Variants in TNNI3K observed in about 807,000 individuals in gnomAD.
TNNI3K encodes serine/threonine-protein kinase TNNI3K.
TNNI3K carries 140 observed loss-of-function variants against 114.5 expected under a neutral mutation model. The observed-to-expected ratio is 1.22, with a 90% CI of 1.07 to 1.41. The LOEUF (loss-of-function observed/expected upper bound fraction) is 1.41. Among genes scored for constraint, TNNI3K ranks in the 40% most tolerant of loss-of-function variants. TNNI3K has a pLI of 0.00. For missense variants in TNNI3K, 1,125 were observed against 1,007.6 expected, an observed-to-expected ratio of 1.12 and a Z score of -1.58; for synonymous variants, 347 against 347.5, an observed-to-expected ratio of 1.00 and a Z score of 0.02.
intron 23 of TNNI3K, among the ~76,000 whole-genome samples, chr1:74,508,787 C>T (rs575347106): frequency 3.9e-5 from 6 of 152,260 alleles, no homozygotes; most frequent in African/African-American, 1.4e-4. Flanking sequence ...GAGCTTGCAT[C>T]TTGAAGCCAG....
chr1:74,331,704 A>G (rs1302714292), intron 6 of TNNI3K, among the ~76,000 whole-genome samples, 156 bp downstream of exon 6: 2 of 152,332 alleles, frequency 1.3e-5, no homozygotes, highest in Middle Eastern at 3.4e-3. Context: ...GTAGATCCAT[A>G]TAAGCATTAC....
At chr1:74,436,193 C>T (rs1221715032) in intron 18 of TNNI3K, 61 bp downstream of exon 18, 1 of 1,582,360 alleles carries the variant, frequency 6.3e-7, no homozygotes, top group Non-Finnish European at 8.6e-7. Context: ...AATATGGTGC[C>T]TGATATTGTA....
At chr1:74,423,344 T>C (rs1665488377) in intron 17 of TNNI3K, among the ~76,000 whole-genome samples, 2 of 152,074 alleles carry the variant, frequency 1.3e-5, no homozygotes, top group Non-Finnish European at 1.5e-5. Flanking sequence ...TTACTTCCAC[T>C]AAAAACAATA....
At position 74,293,214 on chromosome 1, in the gene TNNI3K, C is replaced by T. The variant is rs144676925; in HGVS notation, c.444+21506C>T. Among the ~76,000 whole-genome samples the T allele has an allele frequency of 4.6e-5, 7 of 151,690 alleles. No homozygotes were observed. In the East Asian group the frequency reaches 1.4e-3, roughly 29 times the overall value. Reference sequence around the variant, plus strand: ...ACATATTTGGAGTTGAATCTACCAACGTATTTTGTATTTCCATTTGCTCCA... The same window carrying T: ...ACATATTTGGAGTTGAATCTACCAATGTATTTTGTATTTCCATTTGCTCCA... On this transcript the variant is annotated intron_variant, in intron 5 of 24. Coordinates refer to ENST00000326637, the MANE Select transcript of TNNI3K (RefSeq NM_015978.3).
At chr1:74,401,614 A>G (rs1350542280) in intron 17 of TNNI3K, among the ~76,000 whole-genome samples, 1 of 152,236 alleles carries the variant, frequency 6.6e-6, no homozygotes, top group Non-Finnish European at 1.5e-5. Context: ...AGTACTAAAC[A>G]TTTTCACAAA....
Position 74,353,966 on chromosome 1 carries a change from C to A in TNNI3K, c.1028-14C>A, listed in dbSNP as rs764209373. ...TTTTTCTCCTTTTGTTCTTTCAATT[C>A]TTTTCTATTACAGGATTACACTCTG... On this transcript the variant is annotated splice_polypyrimidine_tract_variant and intron_variant, in intron 10 of 24. Transcript: ENST00000326637. The A allele has an allele frequency of 7.6e-6, 12 of 1,588,210 alleles. No homozygotes were observed. The Admixed American group carries it at 1.5e-4, about 20-fold the overall frequency.
intron 23 of TNNI3K, among the ~76,000 whole-genome samples, chr1:74,537,659 G>A (rs1316274763): frequency 6.6e-6 from 1 of 152,146 alleles, no homozygotes; most frequent in Non-Finnish European, 1.5e-5. Flanking sequence ...CATAATCTCT[G>A]ACCTCCAGGA....
At chr1:74,412,222 T>G (rs1664913577) in intron 17 of TNNI3K, among the ~76,000 whole-genome samples, 1 of 152,126 alleles carries the variant, frequency 6.6e-6, no homozygotes, top group Non-Finnish European at 1.5e-5. Flanking sequence ...TTTTCCAGAC[T>G]ATGTAATTAA....
At chr1:74,542,237 A>C (rs1006220966) in intron 24 of TNNI3K, among the ~76,000 whole-genome samples, 1 of 152,188 alleles carries the variant, frequency 6.6e-6, no homozygotes, top group Non-Finnish European at 1.5e-5. Context: ...GTCCACAATC[A>C]AATTTCCATT....
At chr1:74,475,427 CA>C (rs768789550) in intron 21 of TNNI3K, 76 of 716,952 alleles carry the variant, frequency 1.1e-4, no homozygotes, top group Non-Finnish European at 1.6e-4. Flanking sequence ...CTCATATTTC[CA>C]GGAGGCTCTG....
intron 17 of TNNI3K, among the ~76,000 whole-genome samples, chr1:74,389,140 G>A (rs900654348): frequency 1.3e-5 from 2 of 152,186 alleles, no homozygotes; most frequent in African/African-American, 4.8e-5. Context: ...ATTTGCCATA[G>A]GTCAGGAGGA....
rs115737846 is a variant in TNNI3K, at chr1:74,245,482, C to A, written c.150-3977C>A. 4.7e-3 allele frequency among the ~76,000 whole-genome samples: 708 copies of A among 152,252 alleles called. 3 individuals are homozygous for A. The highest frequency in any genetic ancestry group is 0.016 in the African/African-American group (672 of 41,544). ...TTTTTCAGTAGAAATGAGATCATAT[C>A]CTTGGCTTCACAGGTCAATTTCAAG... On this transcript the variant is annotated intron_variant, in intron 2 of 24. Transcript: ENST00000326637.
intron 8 of TNNI3K, 35 bp downstream of exon 8, chr1:74,343,021 G>A (rs1157982790): frequency 1.1e-5 from 17 of 1,613,546 alleles, no homozygotes; most frequent in Non-Finnish European, 1.4e-5. Flanking sequence ...GGTTCTCCAG[G>A]TATACTGCAT....
intron 4 of TNNI3K, among the ~76,000 whole-genome samples, chr1:74,264,676 T>G (rs1655865216): frequency 6.6e-6 from 1 of 152,000 alleles, no homozygotes. Context: ...TCAGGGAATA[T>G]TAGAGGTGAA....
chr1:74,495,399 A>G (rs1365600243), intron 23 of TNNI3K, among the ~76,000 whole-genome samples: 1 of 152,246 alleles, frequency 6.6e-6, no homozygotes, highest in Non-Finnish European at 1.5e-5. Context: ...TAGCAGTATG[A>G]TTGGCATAAA....
At chr1:74,443,370 A>G (rs1422144694) in intron 20 of TNNI3K, among the ~76,000 whole-genome samples, 1 of 152,192 alleles carries the variant, frequency 6.6e-6, no homozygotes, top group African/African-American at 2.4e-5. Context: ...ACCAGAGAAT[A>G]CTATAAACAC....
At chr1:74,245,676 T>C (rs369551016) in intron 2 of TNNI3K, among the ~76,000 whole-genome samples, 38 of 152,298 alleles carry the variant, frequency 2.5e-4, no homozygotes, top group African/African-American at 8.2e-4. Flanking sequence ...GCTATTGGAA[T>C]TTTAAAATAG....
chr1:74,517,797 A>G (rs2100401807), intron 23 of TNNI3K, among the ~76,000 whole-genome samples: 1 of 152,326 alleles, frequency 6.6e-6, no homozygotes, highest in East Asian at 1.9e-4. Flanking sequence ...AAAATGCACC[A>G]GAATCACCTG....
intron 4 of TNNI3K, among the ~76,000 whole-genome samples, chr1:74,256,565 A>G (rs532377106): frequency 6.6e-6 from 1 of 151,882 alleles, no homozygotes; most frequent in South Asian, 2.1e-4. Context: ...TCAGTGTCTG[A>G]CTTGCCTTTT....
Sources: gnomAD v4.1 joint callset for allele counts (sites outside exome capture counted in the v4.1 genomes callset) on GRCh38, gnomAD v4.1.1 for gene constraint, MANE v1.5 for transcripts, NCBI Gene and HGNC (gene_info 2026-07-23, HGNC 2026-07-21) for gene names.